Variants in TBC1D1 observed in about 807,000 individuals in gnomAD.
TBC1D1 encodes the protein TBC1 domain family member 1.
In TBC1D1, 89 loss-of-function variants were observed where a neutral mutation model predicts 125.6. That is an observed-to-expected ratio of 0.71 (90% CI 0.60 to 0.85). The LOEUF (loss-of-function observed/expected upper bound fraction) is 0.85, where lower values mean the gene tolerates loss of function less well. Among genes scored for constraint, TBC1D1 ranks in the 40% least tolerant of loss-of-function variants. The pLI is 0.00. For missense variants in TBC1D1, 1,377 were observed against 1,469.2 expected, an observed-to-expected ratio of 0.94 and a Z score of 1.03; for synonymous variants, 565 against 564.1, an observed-to-expected ratio of 1.00 and a Z score of -0.02.
intron 2 of TBC1D1, among the ~76,000 whole-genome samples, chr4:37,978,505 C>A (rs1733709601): frequency 6.6e-6 from 1 of 152,148 alleles, no homozygotes; most frequent in Non-Finnish European, 1.5e-5. Context: ...TCATGCAATG[C>A]TTTTATAGTC....
intron 2 of TBC1D1, among the ~76,000 whole-genome samples, chr4:37,935,966 G>A (rs1724305282): frequency 6.6e-6 from 1 of 152,078 alleles, no homozygotes. Flanking sequence ...TCACCCCTCA[G>A]ATCTCAGCTT....
At chr4:37,957,346 A>G (rs1578039052) in intron 2 of TBC1D1, among the ~76,000 whole-genome samples, 1 of 152,372 alleles carries the variant, frequency 6.6e-6, no homozygotes, top group East Asian at 1.9e-4. Flanking sequence ...ATTGCTGGGC[A>G]CAGTGGCTCA....
At chr4:38,106,124 C>T (rs1761258588) in intron 15 of TBC1D1, among the ~76,000 whole-genome samples, 1 of 152,152 alleles carries the variant, frequency 6.6e-6, no homozygotes, top group African/African-American at 2.4e-5. Context: ...GCCATTATAC[C>T]CTCGGCTTCT....
Position 37,977,660 on chromosome 4 carries a change from C to T in TBC1D1, c.418-36849C>T. The T allele has an allele frequency of 5.8e-6, 1 of 172,564 alleles. No homozygotes were observed. The highest frequency in any genetic ancestry group is 1.2e-5 in the Non-Finnish European group (1 of 85,184). The allele number at this position is 172,564 out of a possible 1,614,324, so 10.7% of individuals were successfully genotyped here. ...GGCGCGGCGGGGGGCGAGCGGCGGG[C>T]GCGACCAGGTCGTTAGCCGCGCGTT... On this transcript the variant is annotated intron_variant, in intron 2 of 19. Coordinates refer to ENST00000261439, the MANE Select transcript of TBC1D1 (RefSeq NM_015173.4). The surrounding 1 kb of genome is among the most constrained non-coding windows in gnomAD (Gnocchi z 4.3).
At chr4:37,901,454 G>T (rs62297412) in intron 1 of TBC1D1, among the ~76,000 whole-genome samples, 17,340 of 152,164 alleles carry the variant, frequency 0.11, 1,048 homozygotes, top group African/African-American at 0.15. Context: ...ACTGCACCTG[G>T]CCTAACATTG....
chr4:37,960,418 A>G, intron 2 of TBC1D1: 4 of 1,599,690 alleles, frequency 2.5e-6, no homozygotes, highest in Non-Finnish European at 3.4e-6. Context: ...GGCTGTTGAG[A>G]GCGGCAATAA....
intron 1 of TBC1D1, among the ~76,000 whole-genome samples, chr4:37,899,899 A>G (rs1180006262): frequency 6.6e-6 from 1 of 151,166 alleles, no homozygotes; most frequent in Admixed American, 6.6e-5. Flanking sequence ...GGCGGGCGGA[A>G]CACGAGGTCA....
intron 2 of TBC1D1, among the ~76,000 whole-genome samples, chr4:37,966,777 CA>C (rs1731158180): frequency 6.6e-6 from 1 of 152,200 alleles, no homozygotes; most frequent in Admixed American, 6.5e-5. Context: ...CCCTACCCCC[CA>C]ACAGGCCCCG....
intron 2 of TBC1D1, among the ~76,000 whole-genome samples, chr4:37,970,057 A>C (rs549034776): frequency 6.6e-6 from 1 of 152,334 alleles, no homozygotes; most frequent in South Asian, 2.1e-4. Flanking sequence ...AAGGTCCATC[A>C]GTGCTGTGGC....
intron 1 of TBC1D1, among the ~76,000 whole-genome samples, chr4:37,891,621 C>G (rs1713308975): frequency 6.8e-6 from 1 of 148,122 alleles, no homozygotes; most frequent in South Asian, 2.2e-4. Context: ...TCCCCCAACC[C>G]CCGCCAGCTC....
At chr4:38,043,058 C>T in intron 8 of TBC1D1, among the ~76,000 whole-genome samples, 1 of 152,014 alleles carries the variant, frequency 6.6e-6, no homozygotes, top group East Asian at 1.9e-4. Flanking sequence ...TGCGCCACTA[C>T]ACCCGGCTGT....
At chr4:38,130,932 G>T (rs895853489) in intron 18 of TBC1D1, among the ~76,000 whole-genome samples, 20 of 152,226 alleles carry the variant, frequency 1.3e-4, no homozygotes, top group African/African-American at 4.8e-4. Context: ...TGCAAGGACA[G>T]GCGCCCCTCC....
At chr4:37,997,676 C>T (rs531781801) in intron 2 of TBC1D1, among the ~76,000 whole-genome samples, 5 of 152,190 alleles carry the variant, frequency 3.3e-5, no homozygotes, top group African/African-American at 7.2e-5. Context: ...GACCACCACA[C>T]GTAGTCCCTT....
intron 8 of TBC1D1, among the ~76,000 whole-genome samples, chr4:38,037,416 G>T (rs529147561): frequency 6.6e-6 from 1 of 151,978 alleles, no homozygotes; most frequent in African/African-American, 2.4e-5. Context: ...CGTCTATAAA[G>T]AAGCTGCCCT....
Position 38,079,160 on chromosome 4 carries a change from T to C in TBC1D1, c.2051-10772T>C, listed in dbSNP as rs139262112. Among the ~76,000 whole-genome samples, 25 of 152,242 alleles carry C rather than the reference T, an allele frequency of 1.6e-4. No individual in the cohort carries two copies. In the East Asian group the frequency reaches 4.8e-3, roughly 29 times the overall value. On this transcript the variant is annotated intron_variant, in intron 12 of 19. Transcript: ENST00000261439. ...AGCTGCTTTTCTGTAGATGCCTAAA[T>C]GATGTGGGTTGAGAAATCGTGATCT...
At position 37,958,859 on chromosome 4, in the gene TBC1D1, T is replaced by C. The variant is rs75961883; in HGVS notation, c.418-55650T>C. 0.01 allele frequency among the ~76,000 whole-genome samples: 1,594 copies of C among 152,284 alleles called. 83 individuals carry two copies. The East Asian group carries it at 0.16, about 15-fold the overall frequency. ...TAGTGTTTGAAGAAAAACAATTCAA[T>C]TGGAATGCCTGCAGATTGGCACACA... On this transcript the variant is annotated intron_variant, in intron 2 of 19. Transcript: ENST00000261439.
In TBC1D1 at chr4:37,897,659, A is replaced by C. The variant is rs542832836; in HGVS notation, c.-93-4344A>C. ...GAAGGAAATTGAAAGTAATTCTGCTATGCTTGTTGCCACTATATTAATAAC... is the reference window on the plus strand; with the variant it reads ...GAAGGAAATTGAAAGTAATTCTGCTCTGCTTGTTGCCACTATATTAATAAC... On this transcript the variant is annotated intron_variant, in intron 1 of 19. Transcript: ENST00000261439. 1.4e-4 allele frequency among the ~76,000 whole-genome samples: 21 copies of C among 152,362 alleles called. No individual in the cohort carries two copies. In the South Asian group the frequency reaches 4.3e-3, roughly 32 times the overall value.
intron 2 of TBC1D1, among the ~76,000 whole-genome samples, chr4:37,962,058 A>G (rs1730162993): frequency 6.6e-6 from 1 of 152,244 alleles, no homozygotes. Flanking sequence ...GTCTTCCCAA[A>G]TAAACTGTGG....
At chr4:38,121,962 C>A (rs1763920022) in intron 17 of TBC1D1, among the ~76,000 whole-genome samples, 1 of 152,204 alleles carries the variant, frequency 6.6e-6, no homozygotes, top group African/African-American at 2.4e-5. Context: ...AAGCTTCCTG[C>A]AGTCCTTCCT....
Sources: gnomAD v4.1 joint callset for allele counts (sites outside exome capture counted in the v4.1 genomes callset) on GRCh38, gnomAD v4.1.1 for gene constraint, Gnocchi (gnomAD v3.1) non-coding constraint, MANE v1.5 for transcripts, NCBI Gene and HGNC (gene_info 2026-07-23, HGNC 2026-07-21) for gene names.